The following COX7A2L variants were observed in gnomAD, a reference collection of about 807,000 sequenced individuals.
COX7A2L encodes the protein cytochrome c oxidase subunit 7A2 like.
A neutral mutation model predicts 14.2 loss-of-function variants in COX7A2L; 18 were observed. The observed-to-expected ratio is 1.27, with a 90% confidence interval of 0.88 to 1.88. COX7A2L has a LOEUF of 1.88. Among genes scored for constraint, COX7A2L ranks in the 40% most tolerant of loss-of-function variants. COX7A2L has a pLI of 0.00. For missense variants in COX7A2L, 179 were observed against 138.8 expected (o/e 1.29, Z -1.46); for synonymous variants, 65 against 57.4 (o/e 1.13, Z -0.60).
rs905225431 is a variant in COX7A2L, at chr2:42,339,213, T to C, written c.193-5344A>G. Among the ~76,000 whole-genome samples, 1 of 152,170 alleles carries C rather than the reference T, an allele frequency of 6.6e-6. No homozygotes were observed. The highest frequency in any genetic ancestry group is 2.4e-5 in the African/African-American group (1 of 41,438). On this transcript the variant is annotated intron_variant, in intron 2 of 2. Coordinates refer to the COX7A2L transcript ENST00000468711. This position sits in a 1 kb window ranked among gnomAD's most constrained non-coding sequence, Gnocchi z 5.4. ...CTTTTTTTATTAACCATTATCAAGT[T>C]TAAACACAAGGATTTGCCAGGGAGG...
chr2:42,337,471 A>C (rs1670305599), intron 2 of COX7A2L, among the ~76,000 whole-genome samples: 1 of 152,142 alleles, frequency 6.6e-6, no homozygotes, highest in African/African-American at 2.4e-5. Context: ...AAGGGAGGGG[A>C]GGCAACTACA....
upstream of COX7A2L, among the ~76,000 whole-genome samples, chr2:42,363,873 C>A (rs1671107497): frequency 6.6e-6 from 1 of 152,166 alleles, no homozygotes; most frequent in Non-Finnish European, 1.5e-5. Flanking sequence ...AGTCCAGCTC[C>A]TGGTGAATCT....
chr2:42,351,204 C>A lies in COX7A2L; in HGVS notation c.*15G>T, dbSNP rs1572790832. On this transcript the variant is annotated 3_prime_UTR_variant, in exon 3 of 3. Coordinates refer to ENST00000234301, the MANE Select transcript of COX7A2L (RefSeq NM_004718.4). ...GGTTTATGCCAAAAAACAAACCAGTCCTCTGCAGCCTAACTCATTTGTTTT... is the reference window on the plus strand; with the variant it reads ...GGTTTATGCCAAAAAACAAACCAGTACTCTGCAGCCTAACTCATTTGTTTT... 6.2e-7 allele frequency: 1 copy of A among 1,610,604 alleles called. No homozygotes were observed. Among genetic ancestry groups the A allele is most frequent in the Non-Finnish European group, 8.5e-7 (1 of 1,178,392 alleles).
At chr2:42,348,810 C>CG (rs1255987191), downstream of COX7A2L, among the ~76,000 whole-genome samples, 1 of 151,900 alleles carries the variant, frequency 6.6e-6, no homozygotes, top group African/African-American at 2.4e-5. Flanking sequence ...CCTAGTTACT[C>CG]GGGAGGCTGA....
downstream of COX7A2L, among the ~76,000 whole-genome samples, chr2:42,347,905 G>C (rs1221797946): frequency 1.3e-5 from 2 of 151,990 alleles, no homozygotes. Context: ...TGGGCAACAA[G>C]AGCGAAACTC....
chr2:42,348,153 A>C (rs1670535287), downstream of COX7A2L, among the ~76,000 whole-genome samples: 1 of 152,196 alleles, frequency 6.6e-6, no homozygotes, highest in South Asian at 2.1e-4. Flanking sequence ...AATTCCATCA[A>C]ATTTCTTTAA....
chr2:42,361,033 T>C (rs1174861166), intron 1 of COX7A2L, 57 bp downstream of exon 1: 1 of 1,591,820 alleles, frequency 6.3e-7, no homozygotes, highest in Non-Finnish European at 8.6e-7. Context: ...CGACTGCCTG[T>C]CGCCGAGGCT....
downstream of COX7A2L, among the ~76,000 whole-genome samples, chr2:42,348,947 T>C (rs1442613680): frequency 2.0e-5 from 3 of 151,688 alleles, no homozygotes; most frequent in African/African-American, 7.3e-5. Flanking sequence ...AACAACTAAA[T>C]GCAATGTATG....
chr2:42,343,039 G>A (rs571533194), intron 2 of COX7A2L, among the ~76,000 whole-genome samples: 6 of 152,302 alleles, frequency 3.9e-5, no homozygotes, highest in African/African-American at 1.4e-4. Context: ...CTCAGGAGGT[G>A]CTGAGCCACC....
At chr2:42,367,436 T>C (rs928498232) in intron 1 of COX7A2L, among the ~76,000 whole-genome samples, 5 of 151,822 alleles carry the variant, frequency 3.3e-5, no homozygotes, top group Non-Finnish European at 7.4e-5. Context: ...GCTGGGGTCT[T>C]CTCCCGAGAA....
downstream of COX7A2L, among the ~76,000 whole-genome samples, chr2:42,344,465 CTAAG>C (rs1477282740): frequency 2.6e-5 from 4 of 152,344 alleles, no homozygotes; most frequent in African/African-American, 9.6e-5. Context: ...ACCATAAACT[CTAAG>C]TGTTAGAAAT....
At chr2:42,367,278 T>A (rs951695265) in intron 1 of COX7A2L, among the ~76,000 whole-genome samples, 5 of 152,140 alleles carry the variant, frequency 3.3e-5, no homozygotes, top group African/African-American at 1.2e-4. Context: ...ATAAGTTACT[T>A]CCCCACTCTG....
At position 42,351,285 on chromosome 2, in the gene COX7A2L, C is replaced by T. The variant is rs770186642; in HGVS notation, c.279G>A (p.Leu93=). Residue 93 remains leucine, a synonymous_variant, in exon 3 of 3, where the codon CTG becomes CTA. Transcript: ENST00000234301. The part of the protein sequence containing the change: ...DQMLYRTTMA[L]TVGGTIYCLI... ...GGCAGTAGATGGTCCCTCCCACAGT[C>T]AGCGCCATGGTGGTCCGGTAAAGCA... 6.2e-7 allele frequency: 1 copy of T among 1,614,210 alleles called. No individual in the cohort carries two copies. Among genetic ancestry groups the T allele is most frequent in the Non-Finnish European group, 8.5e-7 (1 of 1,180,036 alleles).
At chr2:42,360,315 A>G (rs925827484) in intron 1 of COX7A2L, among the ~76,000 whole-genome samples, 1 of 152,164 alleles carries the variant, frequency 6.6e-6, no homozygotes, top group South Asian at 2.1e-4. Context: ...GCCGCCCTGG[A>G]TGAAACTGAG....
At chr2:42,364,051 C>A (rs987323379), upstream of COX7A2L, among the ~76,000 whole-genome samples, 1 of 152,078 alleles carries the variant, frequency 6.6e-6, no homozygotes, top group African/African-American at 2.4e-5. Flanking sequence ...TTTTTAAATT[C>A]TCTCATTTTT....
chr2:42,360,856 T>C, intron 1 of COX7A2L: 1 of 576,898 alleles, frequency 1.7e-6, no homozygotes, highest in East Asian at 3.0e-5. Context: ...ACCCCTGCAG[T>C]GAGCCAGACC....
In COX7A2L at chr2:42,351,145, AT is replaced by A; in HGVS notation, c.*73del. The A allele has an allele frequency of 3.4e-6, 5 of 1,457,696 alleles. No individual in the cohort carries two copies. Among genetic ancestry groups the A allele is most frequent in the African/African-American group, 2.9e-5 (2 of 69,762 alleles). 90.3% of individuals were successfully genotyped at this position (1,457,696 alleles called of 1,614,324 possible). On this transcript the variant is annotated 3_prime_UTR_variant, in exon 3 of 3. Transcript: ENST00000234301. ...TTAAGCCATCCAAGTAAAAAAAAAA[AT>A]TTTAATTTAACAATGAAAAAGGAAC...
intron 1 of COX7A2L, among the ~76,000 whole-genome samples, chr2:42,358,923 G>C (rs535532608): frequency 6.6e-6 from 1 of 152,256 alleles, no homozygotes; most frequent in Admixed American, 6.5e-5. Flanking sequence ...CTGAGCCGGG[G>C]AGTTCGAGAT....
At chr2:42,360,735 G>C (rs1329000721) in intron 1 of COX7A2L, among the ~76,000 whole-genome samples, 4 of 152,114 alleles carry the variant, frequency 2.6e-5, no homozygotes, top group Non-Finnish European at 5.9e-5. Flanking sequence ...CAAGGAGGCC[G>C]AAAGCCAGAT....
Sources: allele counts gnomAD v4.1 joint callset (sites outside exome capture counted in the v4.1 genomes callset), GRCh38; gene constraint gnomAD v4.1.1; non-coding constraint Gnocchi (gnomAD v3.1); transcripts MANE v1.5; gene names NCBI Gene and HGNC (gene_info 2026-07-23, HGNC 2026-07-21).